The following CALD1 variants were observed in gnomAD, a reference collection of about 807,000 sequenced individuals.
CALD1 encodes the protein caldesmon.
Under a neutral mutation model 99.9 loss-of-function variants are expected in CALD1, and 33 were observed. That is an observed-to-expected ratio of 0.33 (90% confidence interval 0.25 to 0.44). The LOEUF (loss-of-function observed/expected upper bound fraction) is 0.44. CALD1 is among the 20% of genes least tolerant of loss of function. The probability of loss-of-function intolerance (pLI) is 1.00; values close to 1 mark genes in which losing one functional copy is unlikely to be tolerated. For synonymous variants in CALD1, 310 were observed against 325.0 expected, an observed-to-expected ratio of 0.95 and a Z score of 0.50; for missense variants, 861 against 962.1, an observed-to-expected ratio of 0.89 and a Z score of 1.39.
In CALD1 at chr7:134,784,660, C is replaced by T. The variant is rs1045241800; in HGVS notation, c.-130+4911C>T. ...TCTATGTGAGCAAACTTTGGTAGCT[C>T]AAGTAAAGGGCCAGGATTGTAAGAC... On this transcript the variant is annotated intron_variant, in intron 1 of 14. Transcript: ENST00000361675. 5.7e-4 allele frequency among the ~76,000 whole-genome samples: 87 copies of T among 152,178 alleles called. 1 individual carries two copies. Among genetic ancestry groups the T allele is most frequent in the African/African-American group, 2.0e-3 (83 of 41,522 alleles).
At chr7:134,767,022 G>T (rs1165733592) in intron 1 of CALD1, among the ~76,000 whole-genome samples, 1 of 152,182 alleles carries the variant, frequency 6.6e-6, no homozygotes, top group Non-Finnish European at 1.5e-5. Flanking sequence ...CCAACCCTTG[G>T]ACATGTTTAC....
chr7:134,938,172 T>C (rs998770283), intron 6 of CALD1, among the ~76,000 whole-genome samples: 7 of 152,184 alleles, frequency 4.6e-5, no homozygotes, highest in African/African-American at 1.7e-4. Flanking sequence ...TTATAGAAAT[T>C]GAACCCAGGA....
intron 1 of CALD1, among the ~76,000 whole-genome samples, chr7:134,820,291 C>T (rs1008424344): frequency 6.6e-6 from 1 of 152,058 alleles, no homozygotes; most frequent in Non-Finnish European, 1.5e-5. Flanking sequence ...TAAAATTGCC[C>T]CTGGAGACAT....
intron 2 of CALD1, among the ~76,000 whole-genome samples, chr7:134,855,443 G>A (rs780194311): frequency 6.6e-6 from 1 of 152,208 alleles, no homozygotes; most frequent in Non-Finnish European, 1.5e-5. Context: ...TACAAGAGGT[G>A]CAATCCCACA....
At position 134,783,561 on chromosome 7, in the gene CALD1, CG is replaced by C. The variant is rs1299133858; in HGVS notation, c.-130+3818del. ...GTGGGTAAGGCTATGGGAGCGGGGT[CG>C]GGGGGAAACTATGACCTGGGCTGTG... On this transcript the variant is annotated intron_variant, in intron 1 of 14. Coordinates refer to ENST00000361675, the MANE Select transcript of CALD1 (RefSeq NM_033138.4). This position sits in a 1 kb window ranked among gnomAD's most constrained non-coding sequence, Gnocchi z 4.3. Among the ~76,000 whole-genome samples the C allele has an allele frequency of 1.3e-5, 2 of 151,758 alleles. No homozygotes were observed. Among genetic ancestry groups the C allele is most frequent in the African/African-American group, 4.8e-5 (2 of 41,348 alleles).
upstream of CALD1, among the ~76,000 whole-genome samples, chr7:134,744,070 G>C (rs1796613635): frequency 6.6e-6 from 1 of 152,234 alleles, no homozygotes; most frequent in East Asian, 1.9e-4. Flanking sequence ...CAGCAGCCAT[G>C]GTCGAGGGGA....
At chr7:134,748,908 T>C (rs142220765) in intron 1 of CALD1, among the ~76,000 whole-genome samples, 548 of 152,158 alleles carry the variant, frequency 3.6e-3, no homozygotes, top group Non-Finnish European at 6.6e-3. Flanking sequence ...ATGGGATTAA[T>C]GCCCTCATCA....
At chr7:134,955,918 A>ATGGG (rs1188216682) in intron 9 of CALD1, among the ~76,000 whole-genome samples, 1 of 152,182 alleles carries the variant, frequency 6.6e-6, no homozygotes, top group African/African-American at 2.4e-5. Flanking sequence ...GGATGGATGG[A>ATGGG]TGGACGGACG....
At chr7:134,834,656 C>T (rs536902787) in intron 1 of CALD1, among the ~76,000 whole-genome samples, 1 of 152,220 alleles carries the variant, frequency 6.6e-6, no homozygotes, top group East Asian at 1.9e-4. Context: ...ATATGCAAGC[C>T]CTGTTTACTG....
intron 1 of CALD1, among the ~76,000 whole-genome samples, chr7:134,785,072 A>AT (rs1797254908): frequency 6.6e-6 from 1 of 152,190 alleles, no homozygotes; most frequent in Non-Finnish European, 1.5e-5. Flanking sequence ...TCAATGGGTA[A>AT]TTTTAGTTAG....
At chr7:134,760,907 A>G (rs1796771275) in intron 1 of CALD1, among the ~76,000 whole-genome samples, 1 of 152,174 alleles carries the variant, frequency 6.6e-6, no homozygotes, top group Non-Finnish European at 1.5e-5. Context: ...TTATGTAGGT[A>G]CCCTGTCTTT....
chr7:134,760,642 A>G (rs1156318662), intron 1 of CALD1, among the ~76,000 whole-genome samples: 4 of 152,244 alleles, frequency 2.6e-5, no homozygotes, highest in Admixed American at 2.6e-4. Context: ...GATATATAAA[A>G]CAGTGCATTT....
chr7:134,924,590 C>T (rs1804852223), intron 3 of CALD1, among the ~76,000 whole-genome samples: 1 of 152,104 alleles, frequency 6.6e-6, no homozygotes, highest in Non-Finnish European at 1.5e-5. Flanking sequence ...CTTGAACCAG[C>T]AACTGGACAT....
the CALD1 span, among the ~76,000 whole-genome samples, chr7:134,735,563 C>CTGTG: frequency 0.086 from 11,855 of 137,618 alleles, 629 homozygotes; most frequent in East Asian, 0.13. Flanking sequence ...CCCCACTACC[C>CTGTG]TCTGTGTGTG....
intron 1 of CALD1, among the ~76,000 whole-genome samples, chr7:134,833,008 T>C (rs1799292571): frequency 6.6e-6 from 1 of 152,262 alleles, no homozygotes; most frequent in South Asian, 2.1e-4. Flanking sequence ...CTTTTCCTTA[T>C]GAAGCTGCAA....
At chr7:134,714,562 A>G in the CALD1 span, among the ~76,000 whole-genome samples, 1 of 152,230 alleles carries the variant, frequency 6.6e-6, no homozygotes, top group African/African-American at 2.4e-5. Flanking sequence ...AGAATTCAAG[A>G]GTGAACTGGC....
At chr7:134,875,687 A>G (rs1801316157) in intron 3 of CALD1, among the ~76,000 whole-genome samples, 2 of 152,240 alleles carry the variant, frequency 1.3e-5, no homozygotes, top group South Asian at 4.1e-4. Flanking sequence ...TGGGACAGAC[A>G]AGAACCCTGT....
chr7:134,740,261 T>C (rs1482376959), upstream of CALD1, among the ~76,000 whole-genome samples: 1 of 152,074 alleles, frequency 6.6e-6, no homozygotes, highest in Non-Finnish European at 1.5e-5. Context: ...GTAGTAGGTA[T>C]GCTGATCAAA....
chr7:134,721,312 C>A, the CALD1 span, among the ~76,000 whole-genome samples: 1 of 137,202 alleles, frequency 7.3e-6, no homozygotes, highest in East Asian at 2.2e-4. Context: ...CTCACTGAGC[C>A]TGGTTTAAGT....
Sources: allele counts gnomAD v4.1 joint callset (sites outside exome capture counted in the v4.1 genomes callset), GRCh38; gene constraint gnomAD v4.1.1; non-coding constraint Gnocchi (gnomAD v3.1); transcripts MANE v1.5; gene names NCBI Gene and HGNC (gene_info 2026-07-23, HGNC 2026-07-21).